METTL15: variants seen among roughly 807,000 people sequenced by gnomAD.
METTL15 encodes the protein methyltransferase 15, mitochondrial 12S rRNA N4-cytidine.
In METTL15, 34 loss-of-function variants were observed where a neutral mutation model predicts 38.3. The observed-to-expected ratio is 0.89, with a 90% CI of 0.68 to 1.18. The LOEUF (loss-of-function observed/expected upper bound fraction) is 1.18. METTL15 is among the 50% of genes most tolerant of loss of function. METTL15 has a pLI of 0.00. For synonymous variants in METTL15, 162 were observed against 170.9 expected, an observed-to-expected ratio of 0.95 and a Z score of 0.41; for missense variants, 438 against 498.4, an observed-to-expected ratio of 0.88 and a Z score of 1.15.
rs372392473 is a variant in METTL15, at chr11:28,221,736, G to A, written c.407+10538G>A. ...TGATGTACAGATGGGGTTTTGGTGT[G>A]GATGTCCTTTCTGTTTGTTAGTTTT... On this transcript the variant is annotated intron_variant, in intron 4 of 6. Transcript: ENST00000407364. Among the ~76,000 whole-genome samples the A allele has an allele frequency of 1.7e-4, 26 of 152,204 alleles. 1 individual carries two copies. The highest frequency in any genetic ancestry group is 5.8e-4 in the African/African-American group (24 of 41,530).
intron 5 of METTL15, among the ~76,000 whole-genome samples, chr11:28,386,215 TA>T (rs1850438997): frequency 6.6e-6 from 1 of 151,912 alleles, no homozygotes; most frequent in South Asian, 2.1e-4. Context: ...TAACAAGTTA[TA>T]AAAAAAACAG....
At chr11:28,213,648 G>A (rs929926268) in intron 4 of METTL15, among the ~76,000 whole-genome samples, 10 of 148,560 alleles carry the variant, frequency 6.7e-5, no homozygotes, top group South Asian at 2.1e-4. Context: ...AAAAAGCAAT[G>A]CCTTTTTTTC....
intron 6 of METTL15, among the ~76,000 whole-genome samples, chr11:28,454,449 G>A (rs1851150768): frequency 6.6e-6 from 1 of 152,146 alleles, no homozygotes; most frequent in Non-Finnish European, 1.5e-5. Flanking sequence ...GAGGCCTCTT[G>A]GGAGACATAT....
chr11:28,312,228 TA>T (rs984527295), intron 6 of METTL15, among the ~76,000 whole-genome samples: 2 of 152,224 alleles, frequency 1.3e-5, no homozygotes, highest in Admixed American at 6.5e-5. Context: ...AATTATAATT[TA>T]AGTTATGATT....
At chr11:28,277,587 A>G (rs1045145502) in intron 4 of METTL15, among the ~76,000 whole-genome samples, 1 of 151,974 alleles carries the variant, frequency 6.6e-6, no homozygotes, top group Non-Finnish European at 1.5e-5. Context: ...AATCCCAGCT[A>G]TTTGGGAGGC....
At chr11:28,491,124 C>G (rs1289224487) in intron 6 of METTL15, among the ~76,000 whole-genome samples, 1 of 152,090 alleles carries the variant, frequency 6.6e-6, no homozygotes. Flanking sequence ...ATAGGCAAGA[C>G]AGCTGAGACT....
intron 6 of METTL15, among the ~76,000 whole-genome samples, chr11:28,323,912 T>C (rs1378139227): frequency 1.3e-5 from 2 of 152,124 alleles, no homozygotes; most frequent in African/African-American, 4.8e-5. Context: ...ACAGCTAGGG[T>C]CAATCCCTTA....
intron 4 of METTL15, among the ~76,000 whole-genome samples, chr11:28,262,986 A>G (rs556791365): frequency 6.6e-6 from 1 of 152,158 alleles, no homozygotes; most frequent in South Asian, 2.1e-4. Flanking sequence ...GAGTACTTCA[A>G]TCCATGTCTG....
intron 5 of METTL15, among the ~76,000 whole-genome samples, chr11:28,381,427 A>G (rs1850382975): frequency 6.6e-6 from 1 of 152,000 alleles, no homozygotes; most frequent in South Asian, 2.1e-4. Flanking sequence ...CTTTCTAATT[A>G]TTTTTTTGAA....
At chr11:28,220,346 G>T (rs1221693796) in intron 4 of METTL15, among the ~76,000 whole-genome samples, 1 of 152,084 alleles carries the variant, frequency 6.6e-6, no homozygotes, top group East Asian at 1.9e-4. Flanking sequence ...GATCTTTGTT[G>T]GTTTAAAGTG....
chr11:28,291,944 A>C (rs1162255045), intron 5 of METTL15, among the ~76,000 whole-genome samples: 1 of 152,206 alleles, frequency 6.6e-6, no homozygotes, highest in Admixed American at 6.6e-5. Flanking sequence ...CTAATGGATG[A>C]AATTAGAGTT....
At chr11:28,442,419 T>C (rs1851042395) in intron 6 of METTL15, among the ~76,000 whole-genome samples, 1 of 152,142 alleles carries the variant, frequency 6.6e-6, no homozygotes, top group African/African-American at 2.4e-5. Flanking sequence ...CAGTTTTTTT[T>C]TTTCCTGATC....
chr11:28,215,851 T>C (rs1018935952), intron 4 of METTL15, among the ~76,000 whole-genome samples: 1 of 151,944 alleles, frequency 6.6e-6, no homozygotes, highest in Admixed American at 6.6e-5. Context: ...CCTGGCAACA[T>C]AGTGAGACAC....
chr11:28,200,247 C>T (rs938234254), intron 3 of METTL15, among the ~76,000 whole-genome samples: 9 of 152,190 alleles, frequency 5.9e-5, no homozygotes, highest in Admixed American at 5.9e-4. Context: ...TTAGCTGTAC[C>T]TCAAACAATT....
intron 5 of METTL15, among the ~76,000 whole-genome samples, chr11:28,414,096 AG>A (rs2133415081): frequency 6.6e-6 from 1 of 152,224 alleles, no homozygotes; most frequent in East Asian, 1.9e-4. Flanking sequence ...GAAGTTGGTG[AG>A]GATCAAAGAG....
chr11:28,270,525 A>G (rs1855601773), intron 4 of METTL15, among the ~76,000 whole-genome samples: 1 of 152,178 alleles, frequency 6.6e-6, no homozygotes, highest in Non-Finnish European at 1.5e-5. Flanking sequence ...GTGATCAAGA[A>G]TAGAGACATT....
intron 6 of METTL15, among the ~76,000 whole-genome samples, chr11:28,503,248 C>T (rs1564949874): frequency 2.0e-5 from 3 of 152,206 alleles, no homozygotes. Context: ...ATGTCTAAGC[C>T]TGACCCTTGT....
chr11:28,357,749 A>C (rs921369331), intron 4 of METTL15, among the ~76,000 whole-genome samples: 1 of 152,198 alleles, frequency 6.6e-6, no homozygotes, highest in African/African-American at 2.4e-5. Flanking sequence ...ATTAGGAGTA[A>C]GTGGCTTTGA....
At chr11:28,372,941 A>C (rs886745484) in intron 5 of METTL15, among the ~76,000 whole-genome samples, 1 of 151,022 alleles carries the variant, frequency 6.6e-6, no homozygotes, top group Non-Finnish European at 1.5e-5. Flanking sequence ...CCTACAAAGG[A>C]CATGAACTCA....
Sources: gnomAD v4.1 joint callset for allele counts (sites outside exome capture counted in the v4.1 genomes callset) on GRCh38, gnomAD v4.1.1 for gene constraint, MANE v1.5 for transcripts, NCBI Gene and HGNC (gene_info 2026-07-23, HGNC 2026-07-21) for gene names.